The following CCDC149 variants were observed in gnomAD, a reference collection of about 807,000 sequenced individuals.
CCDC149 encodes the protein coiled-coil domain containing 149.
Under a neutral mutation model 59.9 loss-of-function variants are expected in CCDC149, and 45 were observed. The ratio of observed to expected loss-of-function variants is 0.75; its 90% CI spans 0.59 to 0.96. The LOEUF is 0.96. Ranked by LOEUF, CCDC149 falls within the 40% of genes least tolerant of loss-of-function variation. The pLI is 0.00. For missense variants in CCDC149, 584 were observed against 664.7 expected (o/e 0.88, Z 1.33); for synonymous variants, 245 against 260.6 (o/e 0.94, Z 0.58).
chr4:24,899,755 G>C, intron 1 of CCDC149, among the ~76,000 whole-genome samples: 1 of 152,194 alleles, frequency 6.6e-6, no homozygotes, highest in East Asian at 1.9e-4. Flanking sequence ...ACTCAAAGGA[G>C]ACTATTGTGC....
At chr4:24,859,499 A>G (rs800480) in intron 3 of CCDC149, among the ~76,000 whole-genome samples, 132,418 of 152,182 alleles carry the variant, frequency 0.87, 57,642 homozygotes, top group South Asian at 0.92. Flanking sequence ...TATGCTGAAC[A>G]GGGAAAAGTT....
intron 9 of CCDC149, chr4:24,829,674 T>C (rs1407821923): frequency 2.0e-5 from 3 of 152,086 alleles, no homozygotes; most frequent in Non-Finnish European, 2.9e-5. Context: ...AAAGCCAAGG[T>C]TATCTTTCTT....
chr4:24,807,305 T>A lies in CCDC149; in HGVS notation c.*1084A>T, dbSNP rs1265197863. The A allele has an allele frequency of 6.6e-6, 1 of 152,268 alleles. No individual in the cohort carries two copies. Among genetic ancestry groups the A allele is most frequent in the Non-Finnish European group, 1.5e-5 (1 of 68,084 alleles). The allele number at this position is 152,268 out of a possible 1,614,324, so 9.4% of individuals were successfully genotyped here. On this transcript the variant is annotated 3_prime_UTR_variant, in exon 13 of 13. Coordinates refer to ENST00000635206, the MANE Select transcript of CCDC149 (RefSeq NM_001330643.2). ...CCTCCTTTCCCATCCCTGTATCATG[T>A]CCTTGGTTCCACATCCCCCCTTGCC... is the stretch of plus-strand genomic sequence containing the variant.
At chr4:24,832,603 C>G (rs551874073) in intron 8 of CCDC149, among the ~76,000 whole-genome samples, 3 of 152,112 alleles carry the variant, frequency 2.0e-5, no homozygotes, top group Non-Finnish European at 4.4e-5. Context: ...ATGGATGGCT[C>G]TGATAGAAAA....
At chr4:24,831,971 T>C (rs894587712) in intron 8 of CCDC149, among the ~76,000 whole-genome samples, 5 of 152,206 alleles carry the variant, frequency 3.3e-5, no homozygotes, top group Non-Finnish European at 4.4e-5. Context: ...CTATGAAATA[T>C]TGATTTTTTT....
chr4:24,929,868 G>T (rs544432255), intron 1 of CCDC149, among the ~76,000 whole-genome samples: 3 of 152,116 alleles, frequency 2.0e-5, no homozygotes, highest in Middle Eastern at 3.4e-3. Flanking sequence ...ACTTTAGACC[G>T]TCTCTCTGAC....
intron 3 of CCDC149, among the ~76,000 whole-genome samples, chr4:24,858,705 C>G (rs914776539): frequency 1.3e-5 from 2 of 152,188 alleles, no homozygotes; most frequent in Admixed American, 6.5e-5. Context: ...TTCACCAAAG[C>G]CAGCCCTGGG....
intron 3 of CCDC149, among the ~76,000 whole-genome samples, chr4:24,855,856 T>C (rs1049257210): frequency 4.5e-4 from 69 of 152,338 alleles, no homozygotes; most frequent in African/African-American, 1.6e-3. Flanking sequence ...TGTGAACAAA[T>C]GACTGCCTTT....
intron 1 of CCDC149, among the ~76,000 whole-genome samples, chr4:24,884,137 T>C (rs1720015794): frequency 6.6e-6 from 1 of 152,128 alleles, no homozygotes; most frequent in Non-Finnish European, 1.5e-5. Flanking sequence ...AATGCTTAGG[T>C]CTAAGAGGCC....
chr4:24,974,772 T>C (rs1028843864), intron 1 of CCDC149, among the ~76,000 whole-genome samples: 1 of 152,144 alleles, frequency 6.6e-6, no homozygotes, highest in African/African-American at 2.4e-5. Context: ...TCCCTGATTC[T>C]GAAGATCTCC....
At chr4:24,857,576 T>TCA (rs10692482) in intron 3 of CCDC149, among the ~76,000 whole-genome samples, 11,445 of 152,220 alleles carry the variant, frequency 0.075, 445 homozygotes, top group Middle Eastern at 0.095. Context: ...AAGAAGACAC[T>TCA]TTATAAAAAT....
Position 24,955,924 on chromosome 4 carries a change from A to G in CCDC149, c.-65+24145T>C, listed in dbSNP as rs367898470. Among the ~76,000 whole-genome samples, 25 of 152,374 alleles carry G rather than the reference A, an allele frequency of 1.6e-4. No homozygotes were observed. The South Asian group carries it at 4.1e-3, about 25-fold the overall frequency. On this transcript the variant is annotated intron_variant, in intron 1 of 12. Transcript: ENST00000389609. ...TAAAAAGTTTGAAGAAAATTCTTATAGAGACTTCAGTTGAGTAACACTTTA... is the reference window on the plus strand; with the variant it reads ...TAAAAAGTTTGAAGAAAATTCTTATGGAGACTTCAGTTGAGTAACACTTTA...
chr4:24,944,877 C>T (rs905746344), intron 1 of CCDC149, among the ~76,000 whole-genome samples: 10 of 152,296 alleles, frequency 6.6e-5, no homozygotes, highest in African/African-American at 1.2e-4. Context: ...AGGGAGCTCA[C>T]GACCACTGGT....
chr4:24,860,003 A>T (rs1304488177), intron 3 of CCDC149, among the ~76,000 whole-genome samples: 1 of 152,250 alleles, frequency 6.6e-6, no homozygotes, highest in Non-Finnish European at 1.5e-5. Context: ...ACTATTGTGA[A>T]AATGACCATA....
chr4:24,862,638 T>C (rs1267818858), intron 3 of CCDC149, among the ~76,000 whole-genome samples: 2 of 152,224 alleles, frequency 1.3e-5, no homozygotes, highest in Non-Finnish European at 2.9e-5. Context: ...TTGGGCCCTG[T>C]TGGAGTTAAC....
chr4:24,928,299 T>C (rs1413308634), intron 1 of CCDC149, among the ~76,000 whole-genome samples: 1 of 152,110 alleles, frequency 6.6e-6, no homozygotes. Flanking sequence ...TGTGATAGCA[T>C]AAAAGAGGTT....
intron 3 of CCDC149, among the ~76,000 whole-genome samples, chr4:24,856,153 C>T (rs800471): frequency 0.79 from 119,308 of 151,710 alleles, 46,908 homozygotes; most frequent in East Asian, 0.91. Context: ...GTAAATGCAG[C>T]GAAGGCCTCT....
rs1326011058 is a variant in CCDC149, at chr4:24,912,930, G to C, written c.-51C>G. ...GCCGCCTCCTCCTCCTCGCGACGTC[G>C]CGTCGCCGCCGCCGCCCGGGCCCCG... On this transcript the variant is annotated 5_prime_UTR_variant, in exon 1 of 13. Transcript: ENST00000635206. 5.3e-6 allele frequency: 6 copies of C among 1,132,858 alleles called. No homozygotes were observed. In the African/African-American group the frequency reaches 1.0e-4, roughly 19 times the overall value. The allele number at this position is 1,132,858 out of a possible 1,614,324, so 70.2% of individuals were successfully genotyped here.
intron 1 of CCDC149, among the ~76,000 whole-genome samples, chr4:24,966,085 C>T (rs4697509): frequency 0.51 from 76,862 of 152,076 alleles, 22,252 homozygotes; most frequent in Non-Finnish European, 0.66. Flanking sequence ...CGACTCCCCT[C>T]GGACCTCAGT....
Sources: gnomAD v4.1 joint callset for allele counts (sites outside exome capture counted in the v4.1 genomes callset) on GRCh38, gnomAD v4.1.1 for gene constraint, MANE v1.5 for transcripts, NCBI Gene and HGNC (gene_info 2026-07-23, HGNC 2026-07-21) for gene names.